Variants in CSMD3 observed in about 807,000 individuals in gnomAD.
CSMD3 encodes CUB and Sushi multiple domains 3, also known as CUB and sushi domain-containing protein 3.
A neutral mutation model predicts 435.2 loss-of-function variants in CSMD3; 177 were observed. The ratio of observed to expected loss-of-function variants is 0.41; its 90% CI spans 0.36 to 0.46. CSMD3 has a LOEUF of 0.46. CSMD3 is among the 20% of genes least tolerant of loss of function. The pLI is 0.34. For missense variants in CSMD3, 4,265 were observed against 4,504.6 expected (o/e 0.95, Z 1.52); for synonymous variants, 1,656 against 1,520.5 (o/e 1.09, Z -2.07).
At chr8:112,820,973 G>A (rs1414257536) in intron 12 of CSMD3, among the ~76,000 whole-genome samples, 2 of 152,124 alleles carry the variant, frequency 1.3e-5, no homozygotes, top group African/African-American at 2.4e-5. Context: ...TACCCACAAA[G>A]GATATGATCT....
chr8:113,314,762 T>C lies in CSMD3; in HGVS notation c.210A>G (p.Lys70=), dbSNP rs2132671615. Residue 70 remains lysine, a synonymous_variant, in exon 2 of 71, where the codon AAA becomes AAG. Transcript: ENST00000297405. ...GFIYTCGGTL[K]GLNGTIESPG... ...GGCTTTCTATAGTGCCATTAAGTCC[T>C]TTTAAAGTTCCACCACATGTATAAA... The C allele has an allele frequency of 6.2e-7, 1 of 1,611,346 alleles. No homozygotes were observed. The highest frequency in any genetic ancestry group is 8.5e-7 in the Non-Finnish European group (1 of 1,177,900).
chr8:112,730,481 G>A (rs1170789615), intron 13 of CSMD3, among the ~76,000 whole-genome samples: 1 of 152,136 alleles, frequency 6.6e-6, no homozygotes, highest in Non-Finnish European at 1.5e-5. Flanking sequence ...CTTCATCTAT[G>A]TTTGTAACAT....
chr8:113,070,543 G>C (rs1355876786), intron 5 of CSMD3, among the ~76,000 whole-genome samples: 1 of 151,882 alleles, frequency 6.6e-6, no homozygotes, highest in East Asian at 1.9e-4. Context: ...CTGAACATTA[G>C]ATTTCCAGAA....
intron 13 of CSMD3, among the ~76,000 whole-genome samples, chr8:112,788,172 C>T (rs915426517): frequency 2.0e-5 from 3 of 152,148 alleles, no homozygotes; most frequent in African/African-American, 7.2e-5. Context: ...TTAATAAATA[C>T]TGACCCTTGT....
intron 38 of CSMD3, among the ~76,000 whole-genome samples, chr8:112,372,572 G>A (rs1828503811): frequency 2.0e-5 from 3 of 152,076 alleles, no homozygotes; most frequent in Admixed American, 1.3e-4. Flanking sequence ...CCTATCTGGC[G>A]GGCGCGGTGG....
chr8:112,331,606 CAAAT>C (rs1362322675), intron 45 of CSMD3, among the ~76,000 whole-genome samples: 21 of 151,634 alleles, frequency 1.4e-4, no homozygotes, highest in African/African-American at 4.6e-4. Flanking sequence ...AATATATCAA[CAAAT>C]AAAACTTCAA....
Position 112,793,233 on chromosome 8 carries a change from A to G in CSMD3, c.1972+6929T>C, listed in dbSNP as rs544779790. On this transcript the variant is annotated intron_variant, in intron 13 of 70. Coordinates refer to ENST00000297405, the MANE Select transcript of CSMD3 (RefSeq NM_198123.2). ...AATATATAATATACAAAATGGCATT[A>G]AGACACAGGTGCTAAGATAAAGAAA... Among the ~76,000 whole-genome samples the G allele has an allele frequency of 2.7e-5, 4 of 148,384 alleles. No individual in the cohort carries two copies. In the South Asian group the frequency reaches 8.4e-4, roughly 31 times the overall value.
chr8:112,573,773 T>C (rs1481682788), intron 23 of CSMD3, 116 bp from the exon 24 acceptor site: 1 of 779,636 alleles, frequency 1.3e-6, no homozygotes, highest in African/African-American at 1.8e-5. Context: ...GATCAGTACA[T>C]TTCCAAAGGG....
At chr8:113,420,673 C>A (rs1367912653) in intron 1 of CSMD3, among the ~76,000 whole-genome samples, 6 of 151,888 alleles carry the variant, frequency 4.0e-5, no homozygotes, top group South Asian at 4.1e-4. Flanking sequence ...TTAGGCCAGG[C>A]GGGGTGGCTC....
chr8:112,565,031 A>G (rs545941389), intron 24 of CSMD3, among the ~76,000 whole-genome samples: 15 of 152,098 alleles, frequency 9.9e-5, no homozygotes, highest in Admixed American at 2.6e-4. Context: ...TATGATGTGA[A>G]GGCTATGAAA....
At chr8:112,363,953 G>A (rs901034970) in intron 38 of CSMD3, among the ~76,000 whole-genome samples, 3 of 151,892 alleles carry the variant, frequency 2.0e-5, no homozygotes, top group Non-Finnish European at 4.4e-5. Flanking sequence ...GTTAAAACAA[G>A]AAAATTAGTG....
chr8:113,234,349 C>T (rs1031086875), intron 3 of CSMD3, among the ~76,000 whole-genome samples: 6 of 152,056 alleles, frequency 3.9e-5, no homozygotes, highest in African/African-American at 1.4e-4. Flanking sequence ...TGACTCAAAG[C>T]AGAATGATGA....
At chr8:112,286,160 A>AT (rs1217264744) in intron 58 of CSMD3, among the ~76,000 whole-genome samples, 2 of 152,040 alleles carry the variant, frequency 1.3e-5, no homozygotes, top group Non-Finnish European at 2.9e-5. Flanking sequence ...ATGTTTCTAT[A>AT]TTTTTCCATT....
chr8:112,601,528 G>T (rs1048919090), intron 22 of CSMD3, among the ~76,000 whole-genome samples: 2 of 152,028 alleles, frequency 1.3e-5, no homozygotes, highest in Non-Finnish European at 2.9e-5. Flanking sequence ...CAAAGCAAAA[G>T]GTGCAAGAAA....
chr8:113,031,859 G>A (rs1448948391), intron 5 of CSMD3, among the ~76,000 whole-genome samples: 1 of 151,550 alleles, frequency 6.6e-6, no homozygotes, highest in Non-Finnish European at 1.5e-5. Flanking sequence ...GAGGGACCTG[G>A]TGGAAGTGAT....
intron 63 of CSMD3, among the ~76,000 whole-genome samples, chr8:112,253,094 A>C (rs1481026721): frequency 1.3e-5 from 2 of 151,956 alleles, no homozygotes; most frequent in Non-Finnish European, 2.9e-5. Context: ...AGCCTGATTT[A>C]GTACACCGAC....
chr8:112,321,218 C>A (rs533399739), intron 45 of CSMD3, among the ~76,000 whole-genome samples: 2 of 152,094 alleles, frequency 1.3e-5, no homozygotes, highest in Non-Finnish European at 1.5e-5. Context: ...ATGTACTCAA[C>A]GTGCTGATAA....
chr8:113,044,444 G>A (rs2131300457), intron 5 of CSMD3, among the ~76,000 whole-genome samples: 1 of 148,838 alleles, frequency 6.7e-6, no homozygotes, highest in East Asian at 1.9e-4. Context: ...TTCTGATTTT[G>A]ACCCTAACAC....
intron 36 of CSMD3, among the ~76,000 whole-genome samples, chr8:112,385,042 G>C (rs1298019947): frequency 2.6e-5 from 4 of 152,144 alleles, no homozygotes; most frequent in African/African-American, 9.7e-5. Flanking sequence ...AGATTTAGTG[G>C]ACCATGAGTA....
Sources: allele counts gnomAD v4.1 joint callset (sites outside exome capture counted in the v4.1 genomes callset), GRCh38; gene constraint gnomAD v4.1.1; transcripts MANE v1.5; gene names NCBI Gene and HGNC (gene_info 2026-07-23, HGNC 2026-07-21).